FBXO34: variants seen among roughly 807,000 people sequenced by gnomAD.
FBXO34 encodes F-box protein 34, also known as F-box only protein 34.
Under a neutral mutation model 24.5 loss-of-function variants are expected in FBXO34, and 12 were observed. The observed-to-expected ratio is 0.49, with a 90% CI of 0.31 to 0.79. The LOEUF is 0.79. FBXO34 is among the 30% of genes least tolerant of loss of function. The pLI is 0.04. For missense variants in FBXO34, 823 were observed against 857.7 expected (o/e 0.96, Z 0.51); for synonymous variants, 320 against 311.9 (o/e 1.03, Z -0.27).
chr14:55,293,063 A>G (rs1382803642), intron 1 of FBXO34, among the ~76,000 whole-genome samples: 2 of 151,828 alleles, frequency 1.3e-5, no homozygotes, highest in Non-Finnish European at 2.9e-5. Context: ...TTGTATTGGT[A>G]GTAGAGACGG....
intron 1 of FBXO34, among the ~76,000 whole-genome samples, chr14:55,310,885 T>C (rs1477376733): frequency 6.6e-6 from 1 of 152,134 alleles, no homozygotes; most frequent in Admixed American, 6.5e-5. Context: ...CTGAACTGTT[T>C]TATAAACTCT....
At chr14:55,348,397 T>C (rs139768094) in intron 1 of FBXO34, among the ~76,000 whole-genome samples, 91 of 152,088 alleles carry the variant, frequency 6.0e-4, no homozygotes, top group Non-Finnish European at 1.1e-3. Flanking sequence ...CCTGGCTAAT[T>C]AAAAAAAAAT....
At chr14:55,369,575 A>G (rs774206717), downstream of FBXO34, 2 of 1,445,592 alleles carry the variant, frequency 1.4e-6, no homozygotes, top group African/African-American at 2.8e-5. Flanking sequence ...TAGTGGGAGA[A>G]GAACTTTCTT....
the FBXO34 span, among the ~76,000 whole-genome samples, chr14:55,393,290 C>T: frequency 6.6e-6 from 1 of 151,748 alleles, no homozygotes; most frequent in African/African-American, 2.4e-5. Context: ...GAGGCTGAGG[C>T]AGGAGAATGG....
At chr14:55,277,014 G>A (rs554479603) in intron 1 of FBXO34, among the ~76,000 whole-genome samples, 8 of 152,190 alleles carry the variant, frequency 5.3e-5, no homozygotes, top group Non-Finnish European at 1.2e-4. Flanking sequence ...GGCAAAACTT[G>A]TATATAGTAA....
At chr14:55,376,391 G>T in the FBXO34 span, among the ~76,000 whole-genome samples, 7 of 152,224 alleles carry the variant, frequency 4.6e-5, no homozygotes, top group Non-Finnish European at 1.0e-4. Context: ...AACTGGGATG[G>T]ATTTCTAATG....
chr14:55,387,691 C>T, the FBXO34 span, among the ~76,000 whole-genome samples: 71 of 152,168 alleles, frequency 4.7e-4, no homozygotes, highest in East Asian at 8.8e-3. Context: ...CGTTTTGAGA[C>T]GGAGTTTCGC....
intron 1 of FBXO34, among the ~76,000 whole-genome samples, chr14:55,305,708 G>A (rs960867246): frequency 2.0e-5 from 3 of 151,398 alleles, no homozygotes; most frequent in African/African-American, 4.9e-5. Context: ...AACAGGAGTC[G>A]TACAGGTGAG....
In FBXO34 at chr14:55,352,261, A is replaced by C; in HGVS notation, c.1871A>C (p.Asp624Ala). Residue 624 changes from aspartate to alanine, a missense_variant, in exon 2 of 2, where the codon GAT (aspartate) becomes GCT (alanine). Physicochemically the swap from Asp to Ala is moderately radical, Grantham distance 126. Transcript: ENST00000313833. ...IRPADSRWVR[D>A]PRYREDPCKQ... Reference sequence around the variant, plus strand: ...CCAGCAGATTCTCGCTGGGTTCGAGATCCACGCTATAGAGAGGATCCTTGC... The same window carrying C: ...CCAGCAGATTCTCGCTGGGTTCGAGCTCCACGCTATAGAGAGGATCCTTGC... 6.2e-7 allele frequency: 1 copy of C among 1,614,240 alleles called. No individual in the cohort carries two copies. The highest frequency in any genetic ancestry group is 8.5e-7 in the Non-Finnish European group (1 of 1,180,036).
intron 1 of FBXO34, among the ~76,000 whole-genome samples, chr14:55,275,440 C>T (rs939677404): frequency 6.6e-6 from 1 of 152,128 alleles, no homozygotes; most frequent in Admixed American, 6.5e-5. Context: ...TATATCCTTG[C>T]TGCAAGGACC....
At chr14:55,320,086 C>T (rs1220501405) in intron 1 of FBXO34, among the ~76,000 whole-genome samples, 2 of 152,112 alleles carry the variant, frequency 1.3e-5, no homozygotes, top group Non-Finnish European at 2.9e-5. Context: ...GCAATTGGAC[C>T]GCCTCAGGTT....
At chr14:55,364,437 T>G (rs1016920294), downstream of FBXO34, among the ~76,000 whole-genome samples, 1 of 152,098 alleles carries the variant, frequency 6.6e-6, no homozygotes, top group African/African-American at 2.4e-5. Context: ...TTTTGTGTTG[T>G]TGTTGTTTTG....
At chr14:55,331,485 A>C (rs1027345108) in intron 1 of FBXO34, among the ~76,000 whole-genome samples, 3 of 150,826 alleles carry the variant, frequency 2.0e-5, no homozygotes, top group Non-Finnish European at 4.4e-5. Flanking sequence ...AAATAAATAC[A>C]TAACACCTCA....
At chr14:55,316,209 G>T (rs773494874) in intron 1 of FBXO34, among the ~76,000 whole-genome samples, 1 of 151,898 alleles carries the variant, frequency 6.6e-6, no homozygotes, top group Non-Finnish European at 1.5e-5. Flanking sequence ...TGCCTGCATA[G>T]TCTCTATCAG....
downstream of FBXO34, among the ~76,000 whole-genome samples, chr14:55,354,115 G>C (rs1884483651): frequency 1.3e-5 from 2 of 152,206 alleles, no homozygotes; most frequent in Non-Finnish European, 2.9e-5. Context: ...TGGTGACATG[G>C]TAGGCTGCAG....
At position 55,351,624 on chromosome 14, in the gene FBXO34, G is replaced by C. The variant is rs941799193; in HGVS notation, c.1234G>C (p.Val412Leu). ...TGATGTGGAAATGACAGATGAACTC[G>C]TTGGGTTACCTTTTTCCTCTCATAC... ...RYDVEMTDEL[V>L]GLPFSSHTYS... The change falls in exon 2 of 2, where the codon GTT (valine) becomes CTT (leucine). Residue 412 changes from valine (V) to leucine (L), a missense_variant. Around this residue, in one of 2 missense-constraint regions of FBXO34, gnomAD observed 693 missense variants for 659.1 expected, o/e 1.05. Coordinates refer to ENST00000313833, the MANE Select transcript of FBXO34 (RefSeq NM_017943.4). 6.2e-7 allele frequency: 1 copy of C among 1,614,092 alleles called. No homozygotes were observed.
downstream of FBXO34, among the ~76,000 whole-genome samples, chr14:55,374,460 G>A (rs1044684435): frequency 2.0e-5 from 3 of 152,144 alleles, no homozygotes; most frequent in Non-Finnish European, 4.4e-5. Flanking sequence ...GTCTGTTATA[G>A]AGGTTGTGGA....
At chr14:55,395,969 T>C in the FBXO34 span, 20 of 1,594,164 alleles carry the variant, frequency 1.3e-5, no homozygotes, top group Admixed American at 1.9e-4. Flanking sequence ...TTTCCTTCCA[T>C]AGCTTTTAAC....
chr14:55,311,713 A>G (rs1320472623), intron 1 of FBXO34, among the ~76,000 whole-genome samples: 1 of 151,952 alleles, frequency 6.6e-6, no homozygotes, highest in Non-Finnish European at 1.5e-5. Context: ...CAGTCATTAA[A>G]TCCTTTTTTT....
Sources: gnomAD v4.1 joint callset for allele counts (sites outside exome capture counted in the v4.1 genomes callset) on GRCh38, gnomAD v4.1.1 for gene constraint, gnomAD v4.1.1 regional missense constraint, MANE v1.5 for transcripts, NCBI Gene and HGNC (gene_info 2026-07-23, HGNC 2026-07-21) for gene names.